The following FPGS variants were observed in gnomAD, a reference collection of about 807,000 sequenced individuals.
The protein encoded by FPGS is folylpolyglutamate synthase, mitochondrial.
FPGS carries 53 observed loss-of-function variants against 66.5 expected under a neutral mutation model. The observed-to-expected ratio is 0.80, with a 90% confidence interval of 0.64 to 1.00. The LOEUF is 1.00. Ranked by LOEUF, FPGS falls within the 50% of genes least tolerant of loss-of-function variation. FPGS has a pLI of 0.00. For synonymous variants in FPGS, 348 were observed against 350.9 expected (o/e 0.99, Z 0.09); for missense variants, 702 against 807.7 (o/e 0.87, Z 1.59).
rs1829660065 is a variant in FPGS, at chr9:127,802,987, C to CG, written c.63_64insG (p.Ile22AspfsTer50). 2.0e-6 allele frequency: 3 copies of CG among 1,464,738 alleles called. No homozygotes were observed. Among genetic ancestry groups the CG allele is most frequent in the African/African-American group, 3.0e-5 (2 of 67,284 alleles). 90.7% of individuals were successfully genotyped at this position (1,464,738 alleles called of 1,614,324 possible). On this transcript the variant is annotated frameshift_variant, in exon 1 of 15. Coordinates refer to ENST00000373247, the MANE Select transcript of FPGS (RefSeq NM_004957.6). LOFTEE classifies it high-confidence loss of function. ...TCCTGGCAGCGGCGTCTGCGCGCGG[C>CG]ATAACGACCCAGGTCGCGGCGCGGC...
At chr9:127,813,088 A>G in intron 14 of FPGS, 107 bp from the exon 15 acceptor site, 1 of 1,465,066 alleles carries the variant, frequency 6.8e-7, no homozygotes, top group Non-Finnish European at 9.0e-7. Context: ...TGATGACGTA[A>G]AAGGCTTGGT....
intron 4 of FPGS, 55 bp from the exon 5 acceptor site, chr9:127,806,918 G>A: frequency 2.2e-6 from 3 of 1,349,440 alleles, no homozygotes; most frequent in Non-Finnish European, 2.1e-6. Flanking sequence ...TGCAGGGTGG[G>A]GGAAGGCCAG....
intron 11 of FPGS, 147 bp from the exon 12 acceptor site, chr9:127,809,537 G>A: frequency 1.6e-6 from 1 of 623,082 alleles, no homozygotes; most frequent in Non-Finnish European, 2.6e-6. Flanking sequence ...ATTGACTGGT[G>A]CTAGTAAAAA....
intron 1 of FPGS, 81 bp from the exon 2 acceptor site, chr9:127,804,204 G>T: frequency 6.4e-7 from 1 of 1,552,182 alleles, no homozygotes; most frequent in Non-Finnish European, 8.7e-7. Context: ...GCCCTGGCTT[G>T]GCCACTGGTC....
At chr9:127,808,126 CAT>C in intron 8 of FPGS, 106 bp from the exon 9 acceptor site, 1 of 798,676 alleles carries the variant, frequency 1.3e-6, no homozygotes. Flanking sequence ...AGAAAAGAAA[CAT>C]GAGGGATGAG....
chr9:127,813,416 T>C lies in FPGS; in HGVS notation c.1576T>C (p.Trp526Arg). The change falls in exon 15 of 15, where the codon TGG (tryptophan) becomes CGG (arginine). Residue 526 changes from tryptophan to arginine, a missense_variant. Around this residue, in one of 3 missense-constraint regions of FPGS, gnomAD observed 351 missense variants for 363.7 expected, o/e 0.97. Coordinates refer to ENST00000373247, the MANE Select transcript of FPGS (RefSeq NM_004957.6). ...CAGCTGCATTTCACATGCCTTGCAATGGATCAGCCAAGGCCGAGACCCCAT... is the reference window on the plus strand; with the variant it reads ...CAGCTGCATTTCACATGCCTTGCAACGGATCAGCCAAGGCCGAGACCCCAT... ...VFSCISHALQ[W>R]ISQGRDPIFQ... 6.2e-7 allele frequency: 1 copy of C among 1,610,242 alleles called. No homozygotes were observed. Among genetic ancestry groups the C allele is most frequent in the Non-Finnish European group, 8.5e-7 (1 of 1,177,814 alleles).
chr9:127,808,844 C>A lies in FPGS; in HGVS notation c.1015C>A (p.Leu339Met). The A allele has an allele frequency of 6.4e-7, 1 of 1,562,162 alleles. No homozygotes were observed. Among genetic ancestry groups the A allele is most frequent in the Non-Finnish European group, 8.7e-7 (1 of 1,153,788 alleles). ...ATCCAGGCCAGGGCTCCTGTGGCAG[C>A]TGCCCCTGGCACCTGTGTTCCAGCC... is the stretch of plus-strand genomic sequence containing the variant. ...KASRPGLLWQ[L>M]PLAPVFQPTS... Residue 339 changes from leucine to methionine, a missense_variant, in exon 11 of 15, where the codon CTG (leucine) becomes ATG (methionine). Physicochemically the swap from Leu to Met is conservative, Grantham distance 15. This residue lies in a region of FPGS where 351 missense variants were observed against 363.7 expected (regional missense o/e 0.97). Coordinates refer to ENST00000373247, the MANE Select transcript of FPGS (RefSeq NM_004957.6).
chr9:127,809,327 T>C (rs967726753), intron 11 of FPGS, among the ~76,000 whole-genome samples: 2 of 152,188 alleles, frequency 1.3e-5, no homozygotes, highest in African/African-American at 2.4e-5. Flanking sequence ...CTCATGCTGT[T>C]AAGCCCCTTC....
At chr9:127,812,480 G>A (rs956695416) in intron 14 of FPGS, among the ~76,000 whole-genome samples, 1 of 151,682 alleles carries the variant, frequency 6.6e-6, no homozygotes, top group African/African-American at 2.4e-5. Context: ...ACAGGTGCAC[G>A]CCACTACACC....
chr9:127,808,746 TGTG>T, intron 10 of FPGS, 41 bp downstream of exon 10: 1 of 1,560,350 alleles, frequency 6.4e-7, no homozygotes, highest in Non-Finnish European at 8.7e-7. Flanking sequence ...GGGTGGCACC[TGTG>T]GAGCCTGCCT....
rs1281943476 is a variant in FPGS at position 127,803,024 on chromosome 9, G to A, written c.100G>A (p.Ala34Thr). 2 of 1,460,878 alleles carry A rather than the reference G, an allele frequency of 1.4e-6. No homozygotes were observed. The highest frequency in any genetic ancestry group is 5.9e-5 in the East Asian group (2 of 33,776). The allele number at this position is 1,460,878 out of a possible 1,614,324, so 90.5% of individuals were successfully genotyped here. A position where few individuals can be genotyped will look rare whatever the true frequency, so the allele number is the denominator to read the frequency against. Residue 34 changes from alanine (A) to threonine (T), a missense_variant, in exon 1 of 15, where the codon GCG becomes ACG. By Grantham distance (58) the Ala-to-Thr change is moderately conservative (BLOSUM62 0). Around this residue, in one of 3 missense-constraint regions of FPGS, gnomAD observed 111 missense variants for 95.4 expected, o/e 1.16. Coordinates refer to ENST00000373247, the MANE Select transcript of FPGS (RefSeq NM_004957.6). Reference protein sequence around the residue: ...TQVAARRGLSAWPVPQEPSME... With the variant: ...TQVAARRGLSTWPVPQEPSME... ...GGTCGCGGCGCGGCGGGGCTTGAGCGCGTGGCCGGTGCCGCAGGAGCCGAG... is the reference window on the plus strand; with the variant it reads ...GGTCGCGGCGCGGCGGGGCTTGAGCACGTGGCCGGTGCCGCAGGAGCCGAG...
chr9:127,803,551 C>A (rs930131149), intron 1 of FPGS: 5 of 417,822 alleles, frequency 1.2e-5, no homozygotes, highest in African/African-American at 8.6e-5. Context: ...GCCCCAGAAC[C>A]TGGAAAATAG....
chr9:127,809,680 C>G lies in FPGS; in HGVS notation c.1061-4C>G. ...TGGAGGACTGCCTTGCTGCCCTCCC[C>G]CAGGGCTTCGGAACACGGAGTGGCC... is the stretch of plus-strand genomic sequence containing the variant. On this transcript the variant is annotated splice_polypyrimidine_tract_variant and splice_region_variant and intron_variant, in intron 11 of 14. Coordinates refer to ENST00000373247, the MANE Select transcript of FPGS (RefSeq NM_004957.6). 6.3e-7 allele frequency: 1 copy of G among 1,585,872 alleles called. No homozygotes were observed.
At position 127,813,166 on chromosome 9, in the gene FPGS, G is replaced by C. The variant is rs375361358; in HGVS notation, c.1355-29G>C. On this transcript the variant is annotated intron_variant, in intron 14 of 14. Coordinates refer to ENST00000373247, the MANE Select transcript of FPGS (RefSeq NM_004957.6). ...CTGTCCCTTACTCCCTCTCCCCTTC[G>C]CTGATAGGCCTTTCTCTGTGCCCCA... is the stretch of plus-strand genomic sequence containing the variant. The C allele has an allele frequency of 6.5e-6, 10 of 1,530,836 alleles. No homozygotes were observed. In the African/African-American group the frequency reaches 1.4e-4, roughly 21 times the overall value. 94.8% of individuals were successfully genotyped at this position (1,530,836 alleles called of 1,614,324 possible). A position where few individuals can be genotyped will look rare whatever the true frequency, so the allele number is the denominator to read the frequency against.
Position 127,813,415 on chromosome 9 carries a change from A to G in FPGS, c.1575A>G (p.Gln525=). ...LVFSCISHAL[Q]WISQGRDPIF... is the part of the protein sequence containing the mutation. ...TCAGCTGCATTTCACATGCCTTGCAATGGATCAGCCAAGGCCGAGACCCCA... is the reference window on the plus strand; with the variant it reads ...TCAGCTGCATTTCACATGCCTTGCAGTGGATCAGCCAAGGCCGAGACCCCA... Residue 525 remains glutamine (Q), a synonymous_variant, in exon 15 of 15, where the codon CAA becomes CAG. Transcript: ENST00000373247. 1.2e-6 allele frequency: 2 copies of G among 1,610,322 alleles called. No individual in the cohort carries two copies. The highest frequency in any genetic ancestry group is 1.1e-5 in the South Asian group (1 of 90,704).
rs769926008 is a variant in FPGS, at chr9:127,808,608, G to A, written c.873G>A (p.Pro291=). ...TGGAGGCCCTCGAGGAAGGGGGGCC[G>A]CCGCTGACCCTGGGCCTGGAGGGGG... is the stretch of plus-strand genomic sequence containing the variant. ...PMLEALEEGG[P]PLTLGLEGEH... The change falls in exon 10 of 15, where the codon CCG becomes CCA. Residue 291 remains proline (P), a synonymous_variant. Coordinates refer to ENST00000373247, the MANE Select transcript of FPGS (RefSeq NM_004957.6). 9.3e-6 allele frequency: 15 copies of A among 1,611,970 alleles called. No individual in the cohort carries two copies. The highest frequency in any genetic ancestry group is 3.3e-5 in the South Asian group (3 of 90,896).
Position 127,808,588 on chromosome 9 carries a change from GC to G in FPGS, c.856del (p.Leu286SerfsTer8), listed in dbSNP as rs749391689. On this transcript the variant is annotated frameshift_variant, in exon 10 of 15. Transcript: ENST00000373247. LOFTEE classifies it high-confidence loss of function. Reference sequence around the variant, plus strand: ...TCTATACCTGTGTCCGATGCTGGAGGCCCTCGAGGAAGGGGGGCCGCCGCTG... The same window carrying G: ...TCTATACCTGTGTCCGATGCTGGAGGCCTCGAGGAAGGGGGGCCGCCGCTG... ...CPLYLCPMLEALEEGGPPLTL... is the reference protein window; with the variant it reads ...CPLYLCPMLEXLEEGGPPLTL... The G allele has an allele frequency of 2.5e-6, 4 of 1,612,312 alleles. No homozygotes were observed. In the African/African-American group the frequency reaches 5.3e-5, roughly 22 times the overall value.
Position 127,807,983 on chromosome 9 carries a change from G to A in FPGS, c.745-251G>A, listed in dbSNP as rs1377612479. The A allele has an allele frequency of 1.7e-6, 1 of 575,612 alleles. No individual in the cohort carries two copies. Among genetic ancestry groups the A allele is most frequent in the Non-Finnish European group, 3.1e-6 (1 of 324,486 alleles). 35.7% of individuals were successfully genotyped at this position (575,612 alleles called of 1,614,324 possible). ...TAGCCAGGTGTGGTGGTGTACGCCT[G>A]TAGTTCCAGCTACTTGGGAGACTGA... On this transcript the variant is annotated intron_variant, in intron 8 of 14. Transcript: ENST00000373247. This position sits in a 1 kb window ranked among gnomAD's most constrained non-coding sequence, Gnocchi z 5.8.
Position 127,807,506 on chromosome 9 carries a change from G to T in FPGS, c.641+24G>T. ...AGGTGAGCGCAGTTGCTTGGGACGA[G>T]GGGTGGCAGCCAGGAGCACAGCCTC... On this transcript the variant is annotated intron_variant, in intron 7 of 14. Transcript: ENST00000373247. The surrounding 1 kb of genome is among the most constrained non-coding windows in gnomAD (Gnocchi z 5.8). The T allele has an allele frequency of 1.2e-6, 2 of 1,613,808 alleles. No homozygotes were observed. Among genetic ancestry groups the T allele is most frequent in the South Asian group, 2.2e-5 (2 of 91,066 alleles).
Sources: allele counts gnomAD v4.1 joint callset (sites outside exome capture counted in the v4.1 genomes callset), GRCh38; gene constraint gnomAD v4.1.1; regional missense constraint gnomAD v4.1.1; non-coding constraint Gnocchi (gnomAD v3.1); transcripts MANE v1.5; gene names NCBI Gene and HGNC (gene_info 2026-07-23, HGNC 2026-07-21).